Variants in GABPB1 observed in about 807,000 individuals in gnomAD.
The protein encoded by GABPB1 is GA-binding protein subunit beta-1.
GABPB1 carries 15 observed loss-of-function variants against 45.9 expected under a neutral mutation model. That is an observed-to-expected ratio of 0.33 (90% CI 0.22 to 0.50). GABPB1 has a LOEUF of 0.50. Ranked by LOEUF, GABPB1 falls within the 20% of genes least tolerant of loss-of-function variation. GABPB1 has a pLI of 0.98. For missense variants in GABPB1, 252 were observed against 457.5 expected, an observed-to-expected ratio of 0.55 and a Z score of 4.10; for synonymous variants, 143 against 154.4, an observed-to-expected ratio of 0.93 and a Z score of 0.55.
intron 2 of GABPB1, among the ~76,000 whole-genome samples, 187 bp from the exon 3 acceptor site, chr15:50,304,320 T>C (rs559122429): frequency 2.6e-5 from 4 of 152,336 alleles, no homozygotes; most frequent in African/African-American, 9.6e-5. Flanking sequence ...ACACTCTCAA[T>C]GAAGAAGAAA....
chr15:50,343,399 T>A (rs1485974543), intron 1 of GABPB1, among the ~76,000 whole-genome samples: 1 of 152,204 alleles, frequency 6.6e-6, no homozygotes, highest in African/African-American at 2.4e-5. Context: ...TGTTCGCACT[T>A]TAGGGTCTAG....
chr15:50,307,251 G>A (rs548637165), intron 2 of GABPB1, among the ~76,000 whole-genome samples: 6 of 152,154 alleles, frequency 3.9e-5, no homozygotes, highest in Non-Finnish European at 8.8e-5. Context: ...TTGCTAATCT[G>A]GTGGATATAT....
At position 50,337,075 on chromosome 15, in the gene GABPB1, GTATATATATATATATATATATATATATA is replaced by G. The variant is rs869106382; in HGVS notation, c.-1+17882_-1+17909del. On this transcript the variant is annotated intron_variant, in intron 1 of 8. Transcript: ENST00000380877. Reference sequence around the variant, plus strand: ...GAAAAAATTACATGTATATGTGTGTGTATATATATATATATATATATATATATATATATATATATATATATATATATAT... The same window carrying G: ...GAAAAAATTACATGTATATGTGTGTGTATATATATATATATATATATATAT... Among the ~76,000 whole-genome samples the G allele has an allele frequency of 5.1e-3, 72 of 14,202 alleles. 4 individuals carry two copies. The East Asian group carries it at 0.053, about 11-fold the overall frequency. 9.3% of individuals were successfully genotyped at this position (14,202 alleles called of 152,430 possible).
intron 2 of GABPB1, among the ~76,000 whole-genome samples, chr15:50,304,532 G>A (rs892709149): frequency 3.3e-5 from 5 of 152,120 alleles, no homozygotes; most frequent in Non-Finnish European, 4.4e-5. Context: ...CCAACATGGT[G>A]AAACCCCATC....
rs2048277510 is a variant in GABPB1, at chr15:50,339,597, C to T, written c.-1+15388G>A. On this transcript the variant is annotated intron_variant, in intron 1 of 8. Coordinates refer to ENST00000380877, the MANE Select transcript of GABPB1 (RefSeq NM_016654.5). ...TATCAGATATACATTCTCTATTTCT[C>T]TATCTACATTCTATCTGTGCTTATC... 2.0e-5 allele frequency among the ~76,000 whole-genome samples: 3 copies of T among 152,144 alleles called. No homozygotes were observed. In the South Asian group the frequency reaches 6.2e-4, roughly 32 times the overall value.
At chr15:50,334,486 TTATC>T (rs943076850) in intron 1 of GABPB1, among the ~76,000 whole-genome samples, 2 of 151,552 alleles carry the variant, frequency 1.3e-5, no homozygotes, top group Admixed American at 6.6e-5. Context: ...TTCAGTTACT[TTATC>T]TTTTTCTTTT....
chr15:50,337,427 T>TC (rs2048190077), intron 1 of GABPB1, among the ~76,000 whole-genome samples: 2 of 152,040 alleles, frequency 1.3e-5, no homozygotes, highest in Non-Finnish European at 1.5e-5. Flanking sequence ...GTAAACTCTC[T>TC]TCTCTTCAGA....
chr15:50,354,736 G>T, intron 1 of GABPB1: 1 of 305,556 alleles, frequency 3.3e-6, no homozygotes. Flanking sequence ...CACCATGTCT[G>T]CCCGCCCCTC....
intron 1 of GABPB1, among the ~76,000 whole-genome samples, chr15:50,341,386 G>C (rs1413235689): frequency 6.6e-6 from 1 of 152,080 alleles, no homozygotes; most frequent in Non-Finnish European, 1.5e-5. Context: ...TACAAAATTA[G>C]CCAGGCATGG....
intron 1 of GABPB1, among the ~76,000 whole-genome samples, chr15:50,330,755 T>C (rs746835398): frequency 5.9e-5 from 9 of 152,256 alleles, no homozygotes; most frequent in Non-Finnish European, 1.3e-4. Flanking sequence ...CAGCAATATA[T>C]AGCATAATCT....
chr15:50,333,230 C>T (rs894190292), intron 1 of GABPB1, among the ~76,000 whole-genome samples: 7 of 152,138 alleles, frequency 4.6e-5, no homozygotes, highest in Non-Finnish European at 1.0e-4. Context: ...GTCTGTAGGA[C>T]TGAGGTGGGA....
Position 50,300,333 on chromosome 15 carries a change from C to A in GABPB1, c.697+456G>T, listed in dbSNP as rs370515262. Among the ~76,000 whole-genome samples the A allele has an allele frequency of 5.5e-3, 835 of 152,114 alleles. 5 individuals carry two copies. The highest frequency in any genetic ancestry group is 7.8e-3 in the Non-Finnish European group (528 of 67,992). ...GAGTTGAGTCACAGATGCCTCCCTG[C>A]CCTTGCCCCATTCTTCAGCCGGGTG... On this transcript the variant is annotated intron_variant, in intron 6 of 8. Coordinates refer to ENST00000380877, the MANE Select transcript of GABPB1 (RefSeq NM_016654.5).
At chr15:50,337,249 C>T (rs1459650163) in intron 1 of GABPB1, among the ~76,000 whole-genome samples, 1 of 150,996 alleles carries the variant, frequency 6.6e-6, no homozygotes, top group Non-Finnish European at 1.5e-5. Flanking sequence ...AAGAGGTAAG[C>T]ACACGTTGGA....
chr15:50,300,074 T>C (rs1338995233), intron 6 of GABPB1, among the ~76,000 whole-genome samples: 1 of 152,170 alleles, frequency 6.6e-6, no homozygotes, highest in African/African-American at 2.4e-5. Flanking sequence ...CTCAAAGTGT[T>C]AGGATTACAG....
chr15:50,332,979 A>G (rs1168227957), intron 1 of GABPB1, among the ~76,000 whole-genome samples: 1 of 152,172 alleles, frequency 6.6e-6, no homozygotes, highest in East Asian at 1.9e-4. Context: ...TGTCCTAAGT[A>G]TATCCTTTAA....
chr15:50,289,885 A>C (rs1415910127), intron 6 of GABPB1, among the ~76,000 whole-genome samples: 2 of 151,818 alleles, frequency 1.3e-5, no homozygotes, highest in Non-Finnish European at 2.9e-5. Context: ...AATCCTCTTG[A>C]ATCAGCCTCC....
At chr15:50,340,964 TACATATG>T (rs1567546090) in intron 1 of GABPB1, among the ~76,000 whole-genome samples, 1 of 117,884 alleles carries the variant, frequency 8.5e-6, no homozygotes, top group African/African-American at 3.5e-5. Context: ...TATTACATAT[TACATATG>T]GTTTATTACC....
intron 8 of GABPB1, chr15:50,285,770 T>G (rs2046133138): frequency 8.7e-7 from 1 of 1,144,688 alleles, no homozygotes; most frequent in Non-Finnish European, 1.1e-6. Flanking sequence ...TAGTGACGTG[T>G]AAGAATGGTG....
chr15:50,322,891 T>C (rs1040632517), intron 1 of GABPB1, among the ~76,000 whole-genome samples: 2 of 151,900 alleles, frequency 1.3e-5, no homozygotes, highest in Non-Finnish European at 2.9e-5. Context: ...CAACCAAGCA[T>C]GGTGGCACAT....
Sources: allele counts gnomAD v4.1 joint callset (sites outside exome capture counted in the v4.1 genomes callset), GRCh38; gene constraint gnomAD v4.1.1; transcripts MANE v1.5; gene names NCBI Gene and HGNC (gene_info 2026-07-23, HGNC 2026-07-21).